Variants in SH3BGRL2 observed in about 807,000 individuals in gnomAD.
SH3BGRL2 encodes the protein SH3 domain-binding glutamic acid-rich-like protein 2.
A neutral mutation model predicts 14.8 loss-of-function variants in SH3BGRL2; 21 were observed. The observed-to-expected ratio is 1.42, with a 90% CI of 1.01 to 2.05. The LOEUF (loss-of-function observed/expected upper bound fraction) is 2.05, where lower values mean the gene tolerates loss of function less well. Among genes scored for constraint, SH3BGRL2 ranks in the 30% most tolerant of loss-of-function variants. The probability of loss-of-function intolerance (pLI) is 0.00; values close to 1 mark genes in which losing one functional copy is unlikely to be tolerated. For synonymous variants in SH3BGRL2, 50 were observed against 47.8 expected, an observed-to-expected ratio of 1.05 and a Z score of -0.19; for missense variants, 147 against 130.8, an observed-to-expected ratio of 1.12 and a Z score of -0.61.
intron 1 of SH3BGRL2, among the ~76,000 whole-genome samples, chr6:79,635,703 T>A (rs1768909207): frequency 1.3e-5 from 2 of 152,124 alleles, no homozygotes; most frequent in Non-Finnish European, 2.9e-5. Flanking sequence ...AGAGCAACCA[T>A]CACTGGGAGC....
the SH3BGRL2 span, among the ~76,000 whole-genome samples, chr6:79,576,124 A>G: frequency 0.024 from 3,658 of 152,240 alleles, 56 homozygotes; most frequent in Middle Eastern, 0.071. Context: ...TCCAAACCCT[A>G]TCATACAAGC....
At chr6:79,564,372 T>C in the SH3BGRL2 span, among the ~76,000 whole-genome samples, 2 of 150,490 alleles carry the variant, frequency 1.3e-5, no homozygotes, top group Non-Finnish European at 3.0e-5. Flanking sequence ...CTGTATTTTA[T>C]TCTATTTTTA....
the SH3BGRL2 span, among the ~76,000 whole-genome samples, chr6:79,594,813 T>G: frequency 6.6e-6 from 1 of 152,200 alleles, no homozygotes; most frequent in African/African-American, 2.4e-5. Context: ...ACCTCACATC[T>G]TAAAATAAAA....
At chr6:79,661,116 G>T (rs1046092079) in intron 1 of SH3BGRL2, among the ~76,000 whole-genome samples, 10 of 151,938 alleles carry the variant, frequency 6.6e-5, no homozygotes, top group African/African-American at 2.4e-4. Flanking sequence ...AGGCTTTTTT[G>T]TGTCTCTATC....
At chr6:79,544,715 T>C in the SH3BGRL2 span, among the ~76,000 whole-genome samples, 1 of 152,160 alleles carries the variant, frequency 6.6e-6, no homozygotes, top group African/African-American at 2.4e-5. Flanking sequence ...AGAAATTGTG[T>C]CTCTTCATGA....
chr6:79,687,553 A>G (rs566382688), intron 2 of SH3BGRL2, among the ~76,000 whole-genome samples: 2 of 152,314 alleles, frequency 1.3e-5, no homozygotes, highest in Admixed American at 1.3e-4. Context: ...CTATCCTGCC[A>G]GGATTGGAAT....
At chr6:79,695,662 C>T (rs377131263) in intron 2 of SH3BGRL2, among the ~76,000 whole-genome samples, 2 of 152,262 alleles carry the variant, frequency 1.3e-5, no homozygotes, top group East Asian at 3.9e-4. Flanking sequence ...GTCTCTAACC[C>T]GGCAGGCTGT....
the SH3BGRL2 span, among the ~76,000 whole-genome samples, chr6:79,563,943 A>G: frequency 6.6e-6 from 1 of 152,224 alleles, no homozygotes; most frequent in African/African-American, 2.4e-5. Context: ...TAGGCAGCTG[A>G]TGCTGAAGCT....
chr6:79,541,260 A>C, the SH3BGRL2 span, among the ~76,000 whole-genome samples: 1 of 152,174 alleles, frequency 6.6e-6, no homozygotes, highest in Admixed American at 6.5e-5. Context: ...CTCAAAAAAA[A>C]AGAAGTTTCC....
the SH3BGRL2 span, among the ~76,000 whole-genome samples, chr6:79,544,404 G>C: frequency 6.6e-6 from 1 of 152,296 alleles, no homozygotes; most frequent in East Asian, 1.9e-4. Context: ...TGCTGTGCTG[G>C]AGCCAGCTGG....
chr6:79,562,167 G>A, the SH3BGRL2 span, among the ~76,000 whole-genome samples: 1 of 152,012 alleles, frequency 6.6e-6, no homozygotes, highest in Non-Finnish European at 1.5e-5. Flanking sequence ...TAAGACATTT[G>A]TGTAGTCCTG....
chr6:79,641,562 C>T (rs1314110914), intron 1 of SH3BGRL2, among the ~76,000 whole-genome samples: 2 of 152,144 alleles, frequency 1.3e-5, no homozygotes, highest in Non-Finnish European at 2.9e-5. Flanking sequence ...GACAAGTAAC[C>T]TTAGCCTCTT....
the SH3BGRL2 span, among the ~76,000 whole-genome samples, chr6:79,615,243 G>C: frequency 2.0e-5 from 3 of 152,262 alleles, no homozygotes; most frequent in Non-Finnish European, 4.4e-5. Flanking sequence ...AGAGTGGGAG[G>C]GCTCAAAAGG....
At chr6:79,550,022 T>C in the SH3BGRL2 span, among the ~76,000 whole-genome samples, 1 of 152,146 alleles carries the variant, frequency 6.6e-6, no homozygotes, top group South Asian at 2.1e-4. Context: ...AAAATCTTAA[T>C]AGTGATTTTT....
chr6:79,662,091 C>G (rs1359028866), intron 1 of SH3BGRL2, among the ~76,000 whole-genome samples: 1 of 152,096 alleles, frequency 6.6e-6, no homozygotes, highest in African/African-American at 2.4e-5. Flanking sequence ...GATCTTGACT[C>G]TTTATTGAGT....
chr6:79,625,931 C>G, the SH3BGRL2 span, among the ~76,000 whole-genome samples: 1 of 152,182 alleles, frequency 6.6e-6, no homozygotes, highest in East Asian at 1.9e-4. Flanking sequence ...CTATCACCCA[C>G]TAACAGCCAA....
intron 2 of SH3BGRL2, among the ~76,000 whole-genome samples, chr6:79,683,847 T>C (rs1347829984): frequency 6.6e-6 from 1 of 152,174 alleles, no homozygotes; most frequent in Admixed American, 6.6e-5. Context: ...TTAGTGGATA[T>C]ATTTGAGAAA....
At chr6:79,575,958 GT>G in the SH3BGRL2 span, among the ~76,000 whole-genome samples, 16,168 of 150,996 alleles carry the variant, frequency 0.11, 966 homozygotes, top group Non-Finnish European at 0.13. Flanking sequence ...ATGTTTATAA[GT>G]TTTTTTTTCC....
the SH3BGRL2 span, among the ~76,000 whole-genome samples, chr6:79,590,948 G>T: frequency 6.6e-6 from 1 of 152,192 alleles, no homozygotes; most frequent in African/African-American, 2.4e-5. Context: ...TAAAATTTTT[G>T]TATCTACATC....
Sources: allele counts gnomAD v4.1 joint callset (sites outside exome capture counted in the v4.1 genomes callset), GRCh38; gene constraint gnomAD v4.1.1; transcripts MANE v1.5; gene names NCBI Gene and HGNC (gene_info 2026-07-23, HGNC 2026-07-21).